The following ANKAR variants were observed in gnomAD, a reference collection of about 807,000 sequenced individuals.
ANKAR encodes ankyrin and armadillo repeat-containing protein.
A neutral mutation model predicts 146.2 loss-of-function variants in ANKAR; 136 were observed. That is an observed-to-expected ratio of 0.93 (90% CI 0.81 to 1.07). ANKAR has a LOEUF of 1.07. ANKAR is among the 50% of genes least tolerant of loss of function. The pLI, the probability that ANKAR is intolerant of heterozygous loss-of-function variation, is 0.00. For synonymous variants in ANKAR, 500 were observed against 575.8 expected (o/e 0.87, Z 1.88); for missense variants, 1,567 against 1,679.9 (o/e 0.93, Z 1.18).
At chr2:189,692,729 T>G (rs1399682602) in intron 4 of ANKAR, 4 of 270,562 alleles carry the variant, frequency 1.5e-5, no homozygotes, top group Non-Finnish European at 2.7e-5. Flanking sequence ...AGTAGAAATC[T>G]CTGGACACTC....
At chr2:189,740,414 AAGG>A (rs2043216603) in intron 19 of ANKAR, among the ~76,000 whole-genome samples, 2 of 152,252 alleles carry the variant, frequency 1.3e-5, no homozygotes, top group Non-Finnish European at 1.5e-5. Flanking sequence ...ACAAAAATAT[AAGG>A]AGAACAAAAA....
chr2:189,750,510 A>G (rs1301614734), downstream of ANKAR: 1 of 783,250 alleles, frequency 1.3e-6, no homozygotes. Context: ...ACAATTTGAT[A>G]CACAAAACAA....
In ANKAR at chr2:189,704,042, A is replaced by G. The variant is rs1270225240; in HGVS notation, c.1709-981A>G. The stretch of plus-strand genomic sequence containing the variant: ...AACCATATCAGGTAGTAAAGGTATG[A>G]ATTGCTATTATGCTTTGGGAGAATA... On this transcript the variant is annotated intron_variant, in intron 7 of 22. Transcript: ENST00000684021. Among the ~76,000 whole-genome samples the G allele has an allele frequency of 1.1e-4, 16 of 152,288 alleles. 1 individual carries two copies. In the South Asian group the frequency reaches 1.9e-3, roughly 18 times the overall value.
chr2:189,754,972 C>T (rs1244921106), intron 18 of ANKAR: 1 of 623,972 alleles, frequency 1.6e-6, no homozygotes, highest in Non-Finnish European at 2.6e-6. Flanking sequence ...ATATGAACCT[C>T]TTACCATTTT....
intron 2 of ANKAR, among the ~76,000 whole-genome samples, chr2:189,677,767 T>TTA (rs1480780902): frequency 6.6e-6 from 1 of 152,000 alleles, no homozygotes; most frequent in African/African-American, 2.4e-5. Context: ...CATCTTGACT[T>TTA]CCTAGAGTGC....
chr2:189,744,687 T>C, intron 21 of ANKAR, 55 bp from the exon 22 acceptor site: 3 of 1,298,676 alleles, frequency 2.3e-6, no homozygotes, highest in Non-Finnish European at 2.2e-6. Flanking sequence ...CATATATTTT[T>C]TCTGGGTGCA....
chr2:189,686,256 C>T (rs2035580077), intron 2 of ANKAR, among the ~76,000 whole-genome samples: 1 of 152,150 alleles, frequency 6.6e-6, no homozygotes, highest in African/African-American at 2.4e-5. Flanking sequence ...GATACATTGA[C>T]ATATCATTTA....
intron 5 of ANKAR, among the ~76,000 whole-genome samples, chr2:189,693,567 G>T (rs1480109302): frequency 6.6e-6 from 1 of 152,128 alleles, no homozygotes. Context: ...TAGAGGCAAA[G>T]ATTTAAAAAC....
chr2:189,727,179 CA>C (rs2041968011), intron 12 of ANKAR, among the ~76,000 whole-genome samples: 1 of 151,666 alleles, frequency 6.6e-6, no homozygotes, highest in African/African-American at 2.4e-5. Flanking sequence ...TCACCAGTAC[CA>C]AAAATACAAA....
At chr2:189,753,790 T>C in intron 18 of ANKAR, 1 of 1,047,418 alleles carries the variant, frequency 9.5e-7, no homozygotes, top group South Asian at 1.7e-5. Context: ...TCCTGCATAA[T>C]TTCATACTGT....
intron 7 of ANKAR, among the ~76,000 whole-genome samples, chr2:189,700,986 G>A (rs778533997): frequency 1.3e-5 from 2 of 152,136 alleles, no homozygotes; most frequent in Non-Finnish European, 2.9e-5. Context: ...ATTGTGAATA[G>A]TGCTGCAGTA....
chr2:189,683,152 T>C (rs1036136189), intron 2 of ANKAR, among the ~76,000 whole-genome samples: 14 of 152,204 alleles, frequency 9.2e-5, no homozygotes, highest in African/African-American at 3.4e-4. Flanking sequence ...CACATCTAAC[T>C]TGATCTTGGA....
chr2:189,719,486 ATTAT>A lies in ANKAR; in HGVS notation c.2225-82_2225-79del, dbSNP rs570760838. 1.5e-3 allele frequency: 1,698 copies of A among 1,114,532 alleles called. 6 individuals carry two copies. The highest frequency in any genetic ancestry group is 0.011 in the Middle Eastern group (32 of 3,020). The allele number at this position is 1,114,532 out of a possible 1,614,324, so 69.0% of individuals were successfully genotyped here. A position where few individuals can be genotyped will look rare whatever the true frequency, so the allele number is the denominator to read the frequency against. On this transcript the variant is annotated intron_variant, in intron 10 of 22. Transcript: ENST00000684021. ...TATTTATATTGCAATGCCCATAAATATTATTTAAATATTGCCATGATAAATTGAC... is the reference window on the plus strand; with the variant it reads ...TATTTATATTGCAATGCCCATAAATATTAAATATTGCCATGATAAATTGAC...
At chr2:189,752,776 A>T in intron 18 of ANKAR, 1 of 1,613,256 alleles carries the variant, frequency 6.2e-7, no homozygotes, top group Non-Finnish European at 8.5e-7. Context: ...CTGAAGGAAG[A>T]AGGCTTAGTA....
At chr2:189,724,338 A>G (rs1257882344) in intron 12 of ANKAR, among the ~76,000 whole-genome samples, 1 of 152,188 alleles carries the variant, frequency 6.6e-6, no homozygotes, top group African/African-American at 2.4e-5. Flanking sequence ...GTGACTCTCT[A>G]TCACCTAGGA....
intron 9 of ANKAR, among the ~76,000 whole-genome samples, chr2:189,709,807 G>A (rs2039450033): frequency 6.6e-6 from 1 of 152,172 alleles, no homozygotes; most frequent in African/African-American, 2.4e-5. Flanking sequence ...AGGAGGAAGT[G>A]AGAGGACCAT....
intron 6 of ANKAR, among the ~76,000 whole-genome samples, chr2:189,695,522 A>G (rs2037072610): frequency 6.6e-6 from 1 of 152,202 alleles, no homozygotes; most frequent in Non-Finnish European, 1.5e-5. Flanking sequence ...ATCTTTCACA[A>G]ATCATATAGT....
At chr2:189,711,027 T>G in intron 9 of ANKAR, 22 bp from the exon 10 acceptor site, 3 of 1,590,122 alleles carry the variant, frequency 1.9e-6, no homozygotes, top group Non-Finnish European at 2.6e-6. Flanking sequence ...ACAGCTGTGT[T>G]TTTCTGTTGA....
At chr2:189,743,210 T>C (rs1003928867) in intron 20 of ANKAR, 65 bp from the exon 21 acceptor site, 2 of 1,483,084 alleles carry the variant, frequency 1.3e-6, no homozygotes, top group African/African-American at 2.8e-5. Context: ...AAATAGCTAA[T>C]TAGAACATTA....
Sources: gnomAD v4.1 joint callset for allele counts (sites outside exome capture counted in the v4.1 genomes callset) on GRCh38, gnomAD v4.1.1 for gene constraint, MANE v1.5 for transcripts, NCBI Gene and HGNC (gene_info 2026-07-23, HGNC 2026-07-21) for gene names.